The following TBX5 variants were observed in gnomAD, a reference collection of about 807,000 sequenced individuals.
TBX5 encodes the protein T-box transcription factor TBX5.
Under a neutral mutation model 51.1 loss-of-function variants are expected in TBX5, and 8 were observed. The ratio of observed to expected loss-of-function variants is 0.16; its 90% CI spans 0.09 to 0.28. TBX5 has a LOEUF of 0.28. Ranked by LOEUF, TBX5 falls within the 10% of genes least tolerant of loss-of-function variation. TBX5 has a pLI of 1.00. For synonymous variants in TBX5, 302 were observed against 266.4 expected, an observed-to-expected ratio of 1.13 and a Z score of -1.30; for missense variants, 589 against 671.7, an observed-to-expected ratio of 0.88 and a Z score of 1.36.
At chr12:114,399,430 G>T in intron 4 of TBX5, 83 bp downstream of exon 4, 25 of 1,503,702 alleles carry the variant, frequency 1.7e-5, no homozygotes, top group South Asian at 1.4e-4. Context: ...AAAAAAAAAA[G>T]TTCACTGATA....
rs1344913003 is a variant in TBX5 at position 114,354,586 on chromosome 12, A to G, written c.*946T>C. 6.6e-6 allele frequency: 1 copy of G among 152,434 alleles called. No homozygotes were observed. 9.4% of individuals were successfully genotyped at this position (152,434 alleles called of 1,614,324 possible). A position where few individuals can be genotyped will look rare whatever the true frequency, so the allele number is the denominator to read the frequency against. On this transcript the variant is annotated 3_prime_UTR_variant, in exon 9 of 9. Transcript: ENST00000405440. ...GGCTGGCCTTGTTTTTTTCAAAAAA[A>G]ATTTTTTTAATCAGGAAGAATATTT... is the stretch of plus-strand genomic sequence containing the variant.
chr12:114,395,256 A>C (rs1481521533), intron 5 of TBX5, among the ~76,000 whole-genome samples: 1 of 152,128 alleles, frequency 6.6e-6, no homozygotes, highest in Non-Finnish European at 1.5e-5. Context: ...GGGAAGCCTC[A>C]AGGGCACTTT....
At chr12:114,367,819 G>T (rs903745933) in intron 7 of TBX5, among the ~76,000 whole-genome samples, 9 of 152,132 alleles carry the variant, frequency 5.9e-5, no homozygotes, top group African/African-American at 2.2e-4. Flanking sequence ...TGCATATATT[G>T]CTAAACAGCC....
intron 8 of TBX5, among the ~76,000 whole-genome samples, chr12:114,358,936 A>C (rs187694462): frequency 1.5e-4 from 23 of 152,198 alleles, no homozygotes; most frequent in African/African-American, 5.3e-4. Context: ...TTGTTGCTGG[A>C]ATCATAACCT....
intron 8 of TBX5, among the ~76,000 whole-genome samples, chr12:114,360,845 C>T (rs1869201193): frequency 6.6e-6 from 1 of 152,030 alleles, no homozygotes; most frequent in African/African-American, 2.4e-5. Flanking sequence ...TGTCCCCATG[C>T]TCTTAGCATA....
At chr12:114,356,296 A>G (rs1048660503) in intron 8 of TBX5, among the ~76,000 whole-genome samples, 190 bp from the exon 9 acceptor site, 2 of 152,202 alleles carry the variant, frequency 1.3e-5, no homozygotes, top group African/African-American at 4.8e-5. Context: ...GTTCTATGCA[A>G]ACAGTTTGAC....
At chr12:114,407,248 ACCTT>A (rs1872287895), upstream of TBX5, 2 of 270,000 alleles carry the variant, frequency 7.4e-6, no homozygotes, top group Non-Finnish European at 1.1e-5. Context: ...TGCTCACTCC[ACCTT>A]CCAGGTTTGT....
chr12:114,372,539 C>T (rs1413635190), intron 7 of TBX5, among the ~76,000 whole-genome samples: 2 of 151,626 alleles, frequency 1.3e-5, no homozygotes, highest in Non-Finnish European at 2.9e-5. Flanking sequence ...TTGATCTGGC[C>T]TCAAGTGATC....
intron 3 of TBX5, among the ~76,000 whole-genome samples, chr12:114,401,231 T>C (rs914101823): frequency 2.0e-5 from 3 of 152,202 alleles, no homozygotes; most frequent in African/African-American, 7.2e-5. Context: ...GCCGTGTTTA[T>C]TGGTGTCTGT....
intron 7 of TBX5, among the ~76,000 whole-genome samples, chr12:114,375,028 A>G (rs184339631): frequency 8.1e-4 from 123 of 152,340 alleles, no homozygotes; most frequent in African/African-American, 2.8e-3. Flanking sequence ...CAATTCTTCC[A>G]TGTTTCTCAC....
chr12:114,362,753 C>G (rs750085989), intron 8 of TBX5, among the ~76,000 whole-genome samples: 1 of 152,192 alleles, frequency 6.6e-6, no homozygotes, highest in Non-Finnish European at 1.5e-5. Context: ...CAGCCTCGAA[C>G]TCCTGGGCTC....
At chr12:114,381,532 T>C (rs909146686) in intron 7 of TBX5, among the ~76,000 whole-genome samples, 8 of 152,164 alleles carry the variant, frequency 5.3e-5, no homozygotes, top group Admixed American at 6.5e-5. Flanking sequence ...ATTAGTTAAA[T>C]TTTACTGAAC....
At chr12:114,407,722 T>C, upstream of TBX5, 1 of 973,636 alleles carries the variant, frequency 1.0e-6, no homozygotes, top group African/African-American at 1.8e-5. Flanking sequence ...CAAGAGAAGA[T>C]TCAGCAAGAC....
chr12:114,402,007 C>T (rs1871848210), intron 2 of TBX5, 87 bp from the exon 3 acceptor site: 1 of 1,155,568 alleles, frequency 8.7e-7, no homozygotes, highest in Non-Finnish European at 1.3e-6. Flanking sequence ...ACAGAGACTG[C>T]TCCTCCTTCC....
At chr12:114,370,298 A>AAAAGAAAAC (rs1869813788) in intron 7 of TBX5, among the ~76,000 whole-genome samples, 3 of 134,442 alleles carry the variant, frequency 2.2e-5, no homozygotes, top group Non-Finnish European at 5.1e-5. Context: ...GAAAGAAAAG[A>AAAAGAAAAC]AAAGAAAAGA....
chr12:114,396,584 G>C (rs1300300272), intron 5 of TBX5, among the ~76,000 whole-genome samples: 1 of 152,122 alleles, frequency 6.6e-6, no homozygotes, highest in Non-Finnish European at 1.5e-5. Context: ...CCTTCCGCAG[G>C]CATCCGCCCT....
At chr12:114,389,628 C>T (rs1871040222) in intron 6 of TBX5, among the ~76,000 whole-genome samples, 1 of 145,994 alleles carries the variant, frequency 6.8e-6, no homozygotes, top group African/African-American at 2.5e-5. Context: ...GTGGCGGGCA[C>T]CTGTAGTCCC....
upstream of TBX5, among the ~76,000 whole-genome samples, chr12:114,407,650 C>A (rs1264897758): frequency 6.6e-6 from 1 of 152,206 alleles, no homozygotes; most frequent in African/African-American, 2.4e-5. Flanking sequence ...TCGAGAGAAT[C>A]CATTCTTGCC....
At chr12:114,375,514 T>C (rs1334515226) in intron 7 of TBX5, among the ~76,000 whole-genome samples, 1 of 152,048 alleles carries the variant, frequency 6.6e-6, no homozygotes, top group Non-Finnish European at 1.5e-5. Context: ...GACATACAAA[T>C]AGATAAGAGG....
Sources: gnomAD v4.1 joint callset for allele counts (sites outside exome capture counted in the v4.1 genomes callset) on GRCh38, gnomAD v4.1.1 for gene constraint, MANE v1.5 for transcripts, NCBI Gene and HGNC (gene_info 2026-07-23, HGNC 2026-07-21) for gene names.